The following RPTOR variants were observed in gnomAD, a reference collection of about 807,000 sequenced individuals.
RPTOR encodes the protein regulatory associated protein of MTOR complex 1, also known as regulatory-associated protein of mTOR.
A neutral mutation model predicts 169.9 loss-of-function variants in RPTOR; 21 were observed. The observed-to-expected ratio is 0.12, with a 90% CI of 0.09 to 0.18. The LOEUF (loss-of-function observed/expected upper bound fraction) is 0.18, where lower values mean the gene tolerates loss of function less well. RPTOR is among the 10% of genes least tolerant of loss of function. RPTOR has a pLI of 1.00. For missense variants in RPTOR, 1,133 were observed against 1,855.9 expected, an observed-to-expected ratio of 0.61 and a Z score of 7.16; for synonymous variants, 732 against 753.2, an observed-to-expected ratio of 0.97 and a Z score of 0.46.
intron 6 of RPTOR, among the ~76,000 whole-genome samples, chr17:80,780,407 C>T (rs540192671): frequency 6.6e-6 from 1 of 152,100 alleles, no homozygotes; most frequent in Non-Finnish European, 1.5e-5. Context: ...GAAACCACCA[C>T]GGTTTAAATG....
At chr17:80,752,917 T>G (rs1443651224) in intron 5 of RPTOR, among the ~76,000 whole-genome samples, 5 of 152,238 alleles carry the variant, frequency 3.3e-5, no homozygotes, top group Admixed American at 1.3e-4. Flanking sequence ...AACAATTCAC[T>G]TAGTGCCTTT....
intron 7 of RPTOR, among the ~76,000 whole-genome samples, chr17:80,792,509 G>T (rs1375105519): frequency 6.6e-6 from 1 of 152,278 alleles, no homozygotes; most frequent in South Asian, 2.1e-4. Context: ...AGCGACACTG[G>T]TCCTGATGTG....
At chr17:80,661,670 G>A (rs1269235779) in intron 3 of RPTOR, among the ~76,000 whole-genome samples, 1 of 152,130 alleles carries the variant, frequency 6.6e-6, no homozygotes, top group Non-Finnish European at 1.5e-5. Context: ...TAGAGCTTCT[G>A]TTGCTGCTGG....
intron 1 of RPTOR, among the ~76,000 whole-genome samples, chr17:80,581,212 A>G (rs2065010523): frequency 6.6e-6 from 1 of 152,248 alleles, no homozygotes; most frequent in African/African-American, 2.4e-5. Context: ...TTGTGGTAAA[A>G]TATAACAGAG....
chr17:80,561,352 G>A (rs138116426), intron 1 of RPTOR, among the ~76,000 whole-genome samples: 67 of 147,794 alleles, frequency 4.5e-4, no homozygotes, highest in Non-Finnish European at 7.9e-4. Flanking sequence ...CTCGTGATCC[G>A]TCAGCCTCGG....
intron 3 of RPTOR, among the ~76,000 whole-genome samples, chr17:80,670,307 G>T (rs974712784): frequency 2.6e-5 from 4 of 152,132 alleles, no homozygotes; most frequent in Non-Finnish European, 5.9e-5. Flanking sequence ...CCTTGTCCGT[G>T]TCGGGAATTT....
In RPTOR at chr17:80,630,042, T is replaced by C. The variant is rs2065430524; in HGVS notation, c.265+4249T>C. ...TTATTTCTAGCATTTCCATTGACTATTTTAGTTTCCATCTCTAGGGGAAAT... is the reference window on the plus strand; with the variant it reads ...TTATTTCTAGCATTTCCATTGACTACTTTAGTTTCCATCTCTAGGGGAAAT... On this transcript the variant is annotated intron_variant, in intron 2 of 33. Coordinates refer to ENST00000306801, the MANE Select transcript of RPTOR (RefSeq NM_020761.3). 2.6e-5 allele frequency among the ~76,000 whole-genome samples: 4 copies of C among 151,006 alleles called. No individual in the cohort carries two copies. The Admixed American group carries it at 2.8e-4, about 10-fold the overall frequency.
chr17:80,856,866 G>T (rs2067858595), intron 12 of RPTOR, among the ~76,000 whole-genome samples: 1 of 152,200 alleles, frequency 6.6e-6, no homozygotes, highest in Non-Finnish European at 1.5e-5. Context: ...AATCGAGGCT[G>T]GATAAACGAG....
In RPTOR at chr17:80,567,803, A is replaced by AAAATAAATAAAT. The variant is rs199905629; in HGVS notation, c.162+22032_162+22043dup. On this transcript the variant is annotated intron_variant, in intron 1 of 33. Coordinates refer to ENST00000306801, the MANE Select transcript of RPTOR (RefSeq NM_020761.3). Reference sequence around the variant, plus strand: ...TGAGACTCTGTATCAAAAAATAAATAAAATAAATAAATAAATAAATAAATA... The same window carrying AAAATAAATAAAT: ...TGAGACTCTGTATCAAAAAATAAATAAAATAAATAAATAAATAAATAAATAAATAAATAAATA... 8.8e-4 allele frequency among the ~76,000 whole-genome samples: 130 copies of AAAATAAATAAAT among 148,556 alleles called. 1 individual carries two copies. In the East Asian group the frequency reaches 0.019, roughly 22 times the overall value.
At chr17:80,830,134 G>C (rs1167294537) in intron 9 of RPTOR, among the ~76,000 whole-genome samples, 1 of 152,176 alleles carries the variant, frequency 6.6e-6, no homozygotes, top group African/African-American at 2.4e-5. Context: ...GGGACAGCAG[G>C]TCCCACGCTA....
intron 13 of RPTOR, among the ~76,000 whole-genome samples, chr17:80,869,034 G>A (rs181100657): frequency 1.8e-3 from 271 of 152,308 alleles, no homozygotes; most frequent in Non-Finnish European, 3.1e-3. Flanking sequence ...GTAGACGTAC[G>A]TCCAAAATCT....
In RPTOR at chr17:80,964,975, G is replaced by A. The variant is rs1019452954; in HGVS notation, c.*645G>A. On this transcript the variant is annotated 3_prime_UTR_variant, in exon 34 of 34. Transcript: ENST00000306801. Reference sequence around the variant, plus strand: ...GTCCTTGGCCGCTGGCAGCATCACTGAGCAGGAAGCGCACAGCCCACCCTC... The same window carrying A: ...GTCCTTGGCCGCTGGCAGCATCACTAAGCAGGAAGCGCACAGCCCACCCTC... 3 of 233,404 alleles carry A rather than the reference G, an allele frequency of 1.3e-5. No individual in the cohort carries two copies. The allele number at this position is 233,404 out of a possible 1,614,324, so 14.5% of individuals were successfully genotyped here. A position where few individuals can be genotyped will look rare whatever the true frequency, so the allele number is the denominator to read the frequency against.
chr17:80,655,734 C>T (rs186299055), intron 3 of RPTOR, among the ~76,000 whole-genome samples: 14 of 152,226 alleles, frequency 9.2e-5, no homozygotes, highest in African/African-American at 3.4e-4. Context: ...GCCACAGTGC[C>T]AGCTTAAAAT....
At chr17:80,679,400 C>T (rs144743216) in intron 3 of RPTOR, among the ~76,000 whole-genome samples, 8 of 152,382 alleles carry the variant, frequency 5.2e-5, no homozygotes, top group African/African-American at 1.4e-4. Context: ...CCACGTTCTC[C>T]TCATTCCTCA....
chr17:80,864,341 T>C (rs1964760), intron 13 of RPTOR, among the ~76,000 whole-genome samples: 7,536 of 106,034 alleles, frequency 0.071, 360 homozygotes, highest in African/African-American at 0.16. Context: ...GGTTTCTTCT[T>C]ACAGATTTCC....
intron 6 of RPTOR, among the ~76,000 whole-genome samples, chr17:80,785,810 G>A (rs996922691): frequency 6.6e-6 from 1 of 152,180 alleles, no homozygotes; most frequent in Non-Finnish European, 1.5e-5. Context: ...CCTTTGCCGA[G>A]GAACTGCACA....
At chr17:80,883,270 C>G (rs890717515) in intron 14 of RPTOR, 149 bp from the exon 15 acceptor site, 2 of 704,886 alleles carry the variant, frequency 2.8e-6, no homozygotes, top group African/African-American at 1.8e-5. Flanking sequence ...TTGTAGAGTC[C>G]ACGTAAAATC....
At chr17:80,685,644 T>TTTTTTTTTTTTTTTTTTTTTTA (rs2065940513) in intron 3 of RPTOR, among the ~76,000 whole-genome samples, 1 of 72,304 alleles carries the variant, frequency 1.4e-5, no homozygotes, top group Non-Finnish European at 2.8e-5. Flanking sequence ...TTTTTTTTTT[T>TTTTTTTTTTTTTTTTTTTTTTA]TTTTTTTTTT....
intron 32 of RPTOR, 107 bp from the exon 33 acceptor site, chr17:80,962,821 C>T (rs1379432547): frequency 2.6e-6 from 4 of 1,546,028 alleles, no homozygotes; most frequent in Non-Finnish European, 3.5e-6. Flanking sequence ...CCGAGCCAGC[C>T]TGTCCCCGTG....
Sources: gnomAD v4.1 joint callset for allele counts (sites outside exome capture counted in the v4.1 genomes callset) on GRCh38, gnomAD v4.1.1 for gene constraint, MANE v1.5 for transcripts, NCBI Gene and HGNC (gene_info 2026-07-23, HGNC 2026-07-21) for gene names.